DPH6: variants seen among roughly 807,000 people sequenced by gnomAD.
The protein encoded by DPH6 is diphthamine biosynthesis 6.
In DPH6, 33 loss-of-function variants were observed where a neutral mutation model predicts 38.2. The ratio of observed to expected loss-of-function variants is 0.86; its 90% CI spans 0.65 to 1.15. DPH6 has a LOEUF of 1.15. DPH6 is among the 50% of genes most tolerant of loss of function. The probability of loss-of-function intolerance (pLI) is 0.00; values close to 1 mark genes in which losing one functional copy is unlikely to be tolerated. For missense variants in DPH6, 325 were observed against 320.0 expected (o/e 1.02, Z -0.12); for synonymous variants, 108 against 103.0 (o/e 1.05, Z -0.30).
chr15:35,447,933 A>T (rs1389759253), intron 5 of DPH6, among the ~76,000 whole-genome samples: 1 of 152,192 alleles, frequency 6.6e-6, no homozygotes, highest in Non-Finnish European at 1.5e-5. Context: ...TTCATAGTCA[A>T]TGTTACTACA....
intron 3 of DPH6, among the ~76,000 whole-genome samples, chr15:35,464,849 TCTA>T (rs2054109034): frequency 6.6e-6 from 1 of 152,224 alleles, no homozygotes; most frequent in Non-Finnish European, 1.5e-5. Flanking sequence ...GAAATGGACT[TCTA>T]CTATAAAATG....
Position 35,372,001 on chromosome 15 carries a change from T to G in DPH6, c.*149A>C. 1 of 1,350,454 alleles carries G rather than the reference T, an allele frequency of 7.4e-7. No homozygotes were observed. Among genetic ancestry groups the G allele is most frequent in the Non-Finnish European group, 9.5e-7 (1 of 1,050,050 alleles). 83.7% of individuals were successfully genotyped at this position (1,350,454 alleles called of 1,614,324 possible). A position where few individuals can be genotyped will look rare whatever the true frequency, so the allele number is the denominator to read the frequency against. On this transcript the variant is annotated 3_prime_UTR_variant, in exon 9 of 9. Transcript: ENST00000256538. ...CGACATTTTCCCAATTAATAAATGG[T>G]TCCACTAACCTCTTCTAGTGAAAGT...
rs1482325332 is a variant in DPH6, at chr15:35,546,146, G to T, written c.-5C>A. 4 of 1,396,474 alleles carry T rather than the reference G, an allele frequency of 2.9e-6. No homozygotes were observed. In the South Asian group the frequency reaches 6.6e-5, roughly 23 times the overall value. The allele number at this position is 1,396,474 out of a possible 1,614,324, so 86.5% of individuals were successfully genotyped here. ...GATCAGAGCCGCGACCCTCATGCTG[G>T]GCGCAGTGCGCGTGCGTGCGGCGAG... is the stretch of plus-strand genomic sequence containing the variant. On this transcript the variant is annotated 5_prime_UTR_variant, in exon 1 of 9. Transcript: ENST00000256538.
intron 6 of DPH6, among the ~76,000 whole-genome samples, chr15:35,405,583 C>T (rs2053281011): frequency 6.6e-6 from 1 of 152,050 alleles, no homozygotes; most frequent in South Asian, 2.1e-4. Flanking sequence ...ACTTGTTTAT[C>T]AGTTCTAATA....
chr15:35,359,818 A>G (rs1269205726), intron 3 of DPH6, among the ~76,000 whole-genome samples: 1 of 151,716 alleles, frequency 6.6e-6, no homozygotes, highest in African/African-American at 2.4e-5. Context: ...CAGTTCAGTC[A>G]TTGTATTCTT....
intron 3 of DPH6, among the ~76,000 whole-genome samples, chr15:35,475,137 A>T (rs1320206856): frequency 6.6e-6 from 1 of 151,956 alleles, no homozygotes; most frequent in East Asian, 1.9e-4. Flanking sequence ...TCCAGCTGAT[A>T]AACATTAAAT....
At chr15:35,151,870 C>T in the DPH6 span, among the ~76,000 whole-genome samples, 3 of 152,190 alleles carry the variant, frequency 2.0e-5, no homozygotes. Flanking sequence ...AAGTCCACTA[C>T]GTTTGTTATT....
At chr15:35,496,204 T>C (rs2054546609) in intron 3 of DPH6, among the ~76,000 whole-genome samples, 1 of 152,154 alleles carries the variant, frequency 6.6e-6, no homozygotes, top group Admixed American at 6.6e-5. Flanking sequence ...TTTATTTTTC[T>C]AACCAAAATA....
chr15:35,430,373 T>C (rs2053617299), intron 5 of DPH6, among the ~76,000 whole-genome samples: 1 of 150,178 alleles, frequency 6.7e-6, no homozygotes. Context: ...CCACTTGATA[T>C]GTTAAACAAC....
At chr15:35,207,243 T>C in the DPH6 span, among the ~76,000 whole-genome samples, 1 of 151,882 alleles carries the variant, frequency 6.6e-6, no homozygotes, top group East Asian at 1.9e-4. Context: ...AGACAGGGTC[T>C]TGCTATTTTG....
chr15:35,248,526 T>A lies in DPH6; in HGVS notation n.201-27944A>T, dbSNP rs75833938. On this transcript the variant is annotated intron_variant and non_coding_transcript_variant, in intron 3 of 3. Coordinates refer to the DPH6 transcript ENST00000560386. ...AGTCTATTACTATTAGATCGTACCA[T>A]TTTTGTCCAATCACATCTCTACACG... Among the ~76,000 whole-genome samples the A allele has an allele frequency of 3.4e-3, 513 of 152,138 alleles. 3 individuals carry two copies. The highest frequency in any genetic ancestry group is 0.012 in the African/African-American group (497 of 41,470).
chr15:35,312,847 T>A (rs1435042897), intron 3 of DPH6, among the ~76,000 whole-genome samples: 1 of 152,120 alleles, frequency 6.6e-6, no homozygotes, highest in Admixed American at 6.5e-5. Context: ...GGGATTCATA[T>A]CTGGGTTCTC....
chr15:35,303,041 A>G lies in DPH6; in HGVS notation n.200+70480T>C, dbSNP rs912653069. On this transcript the variant is annotated intron_variant and non_coding_transcript_variant, in intron 3 of 3. Coordinates refer to the DPH6 transcript ENST00000560386. ...GCAAGTCTTCTTTGTTCTACAATTT[A>G]AGAACCCCAAAGGGTTGAGTTTCCT... Among the ~76,000 whole-genome samples the G allele has an allele frequency of 1.1e-4, 17 of 152,278 alleles. 1 individual carries two copies. The South Asian group carries it at 3.5e-3, about 32-fold the overall frequency.
At chr15:35,439,090 GACGATCTC>G (rs2053752778) in intron 5 of DPH6, among the ~76,000 whole-genome samples, 1 of 152,200 alleles carries the variant, frequency 6.6e-6, no homozygotes, top group African/African-American at 2.4e-5. Flanking sequence ...AAAGGTTTAT[GACGATCTC>G]ACCTCACGGT....
At chr15:35,319,706 C>T (rs2140841887) in intron 3 of DPH6, among the ~76,000 whole-genome samples, 1 of 152,210 alleles carries the variant, frequency 6.6e-6, no homozygotes, top group Non-Finnish European at 1.5e-5. Context: ...AGCCACTGCA[C>T]TCCAGCCTGG....
At chr15:35,400,357 T>C (rs1038439647) in intron 6 of DPH6, among the ~76,000 whole-genome samples, 1 of 151,964 alleles carries the variant, frequency 6.6e-6, no homozygotes, top group Non-Finnish European at 1.5e-5. Flanking sequence ...TGTAACAATA[T>C]AGGAAGATGG....
At chr15:35,177,612 C>T in the DPH6 span, among the ~76,000 whole-genome samples, 1 of 140,646 alleles carries the variant, frequency 7.1e-6, no homozygotes, top group Non-Finnish European at 1.5e-5. Context: ...TCATCATCAT[C>T]ATCATCATCA....
chr15:35,410,759 T>C, intron 6 of DPH6, 76 bp downstream of exon 6: 1 of 1,234,762 alleles, frequency 8.1e-7, no homozygotes, highest in South Asian at 1.6e-5. Context: ...AGTAAATTTT[T>C]TAATCATTGT....
chr15:35,388,939 G>A (rs2053012784), intron 6 of DPH6, among the ~76,000 whole-genome samples: 1 of 152,088 alleles, frequency 6.6e-6, no homozygotes, highest in Non-Finnish European at 1.5e-5. Context: ...ATGTTAGGGT[G>A]TCAAGTTTAG....
Sources: allele counts gnomAD v4.1 joint callset (sites outside exome capture counted in the v4.1 genomes callset), GRCh38; gene constraint gnomAD v4.1.1; transcripts MANE v1.5; gene names NCBI Gene and HGNC (gene_info 2026-07-23, HGNC 2026-07-21).